DPP10: variants seen among roughly 807,000 people sequenced by gnomAD.
DPP10 encodes dipeptidyl peptidase like 10.
In DPP10, 33 loss-of-function variants were observed where a neutral mutation model predicts 120.9. That is an observed-to-expected ratio of 0.27 (90% CI 0.21 to 0.37). The LOEUF (loss-of-function observed/expected upper bound fraction) is 0.37, where lower values mean the gene tolerates loss of function less well. Ranked by LOEUF, DPP10 falls within the 10% of genes least tolerant of loss-of-function variation. DPP10 has a pLI of 1.00. For missense variants in DPP10, 816 were observed against 942.8 expected, an observed-to-expected ratio of 0.87 and a Z score of 1.76; for synonymous variants, 337 against 326.1, an observed-to-expected ratio of 1.03 and a Z score of -0.36.
At chr2:115,268,588 G>T (rs192396226) in intron 1 of DPP10, among the ~76,000 whole-genome samples, 1 of 152,312 alleles carries the variant, frequency 6.6e-6, no homozygotes, top group Non-Finnish European at 1.5e-5. Flanking sequence ...TGGAAAGAAA[G>T]ATCCTAATAC....
At chr2:115,762,375 A>G (rs532860363) in intron 11 of DPP10, among the ~76,000 whole-genome samples, 197 bp from the exon 12 acceptor site, 2 of 123,884 alleles carry the variant, frequency 1.6e-5, no homozygotes, top group Admixed American at 9.3e-5. Context: ...AAAAGACTTT[A>G]TAATTAAATT....
At chr2:115,381,076 T>C (rs985425496) in intron 3 of DPP10, among the ~76,000 whole-genome samples, 1 of 152,206 alleles carries the variant, frequency 6.6e-6, no homozygotes, top group Non-Finnish European at 1.5e-5. Context: ...ATTCTCTGTA[T>C]TTCCTGAATC....
intron 1 of DPP10, among the ~76,000 whole-genome samples, chr2:115,011,543 T>A (rs1307217856): frequency 1.3e-5 from 2 of 152,222 alleles, no homozygotes. Context: ...TTGTCTAATA[T>A]TAAGATAGCC....
intron 1 of DPP10, among the ~76,000 whole-genome samples, chr2:115,007,710 A>G (rs1701959092): frequency 1.3e-5 from 2 of 151,772 alleles, no homozygotes; most frequent in African/African-American, 2.4e-5. Flanking sequence ...CCTTAAGCTG[A>G]TAAGCAACTT....
Position 115,768,253 on chromosome 2 carries a change from G to C in DPP10, c.1114-44G>C, listed in dbSNP as rs780024588. The C allele has an allele frequency of 7.1e-6, 11 of 1,548,904 alleles. No homozygotes were observed. In the South Asian group the frequency reaches 9.0e-5, roughly 13 times the overall value. ...TTAACAGTAGTAGGCAGCACAGATT[G>C]CATGTGCCTTTCTGAGATTGTTCTG... is the stretch of plus-strand genomic sequence containing the variant. On this transcript the variant is annotated intron_variant, in intron 12 of 25. Transcript: ENST00000410059.
At chr2:114,465,141 G>A (rs994824049) in intron 1 of DPP10, among the ~76,000 whole-genome samples, 21 of 152,126 alleles carry the variant, frequency 1.4e-4, no homozygotes, top group African/African-American at 5.1e-4. Context: ...ACATTTCCTG[G>A]TTGTGTGAAC....
intron 1 of DPP10, among the ~76,000 whole-genome samples, chr2:115,171,035 G>A (rs115767705): frequency 8.5e-5 from 13 of 152,232 alleles, no homozygotes; most frequent in African/African-American, 2.9e-4. Flanking sequence ...GCCATCGTCT[G>A]TCTAAGAGTT....
At chr2:114,584,868 G>A (rs1229364320) in intron 1 of DPP10, among the ~76,000 whole-genome samples, 3 of 152,088 alleles carry the variant, frequency 2.0e-5, no homozygotes, top group African/African-American at 7.2e-5. Context: ...GCACCACCAT[G>A]AAGACTTGAA....
chr2:115,334,940 T>A (rs540232111), intron 2 of DPP10, among the ~76,000 whole-genome samples: 150 of 151,550 alleles, frequency 9.9e-4, no homozygotes, highest in African/African-American at 3.5e-3. Context: ...GTTCTACTAC[T>A]GTATTAGTTC....
chr2:114,827,927 T>C (rs1406946043), intron 1 of DPP10, among the ~76,000 whole-genome samples: 3 of 152,214 alleles, frequency 2.0e-5, no homozygotes, highest in Admixed American at 2.0e-4. Context: ...CACCATTTTC[T>C]TTTTTTACAA....
chr2:115,537,943 AGCT>A (rs1196630356), intron 5 of DPP10, among the ~76,000 whole-genome samples: 1 of 151,964 alleles, frequency 6.6e-6, no homozygotes, highest in Non-Finnish European at 1.5e-5. Context: ...TTCCATGTGT[AGCT>A]GTCCACAGGG....
At chr2:115,334,230 G>GTTTTTTTTTTTATTTTTTTTTTTTTTT (rs1553554647) in intron 2 of DPP10, among the ~76,000 whole-genome samples, 1 of 56,412 alleles carries the variant, frequency 1.8e-5, no homozygotes, top group Non-Finnish European at 4.0e-5. Flanking sequence ...AGCAGACTCT[G>GTTTTTTTTTTTATTTTTTTTTTTTTTT]TTTTTTTTTT....
intron 1 of DPP10, among the ~76,000 whole-genome samples, chr2:115,186,538 G>C (rs11675397): frequency 0.54 from 81,906 of 152,016 alleles, 23,531 homozygotes; most frequent in Non-Finnish European, 0.65. Context: ...TCTTCCTGGA[G>C]GAGGTGACCT....
chr2:114,820,515 T>C (rs1251821573), intron 1 of DPP10, among the ~76,000 whole-genome samples: 1 of 152,194 alleles, frequency 6.6e-6, no homozygotes, highest in Non-Finnish European at 1.5e-5. Flanking sequence ...AATGAAGACA[T>C]ACCTGAGACA....
rs111590042 is a variant in DPP10 at position 114,802,351 on chromosome 2, G to A, written c.60+359513G>A. 6.9e-3 allele frequency among the ~76,000 whole-genome samples: 1,046 copies of A among 152,148 alleles called. 13 individuals are homozygous for A. The highest frequency in any genetic ancestry group is 0.024 in the Middle Eastern group (7 of 294). ...ATTACATCCCCAAATAACTTTTTCT[G>A]CCCTGTCATCTGGTGTAACTAAATA... On this transcript the variant is annotated intron_variant, in intron 1 of 25. Coordinates refer to ENST00000410059, the MANE Select transcript of DPP10 (RefSeq NM_020868.6).
At chr2:115,569,088 A>G (rs1486935175) in intron 5 of DPP10, among the ~76,000 whole-genome samples, 2 of 152,234 alleles carry the variant, frequency 1.3e-5, no homozygotes, top group Non-Finnish European at 2.9e-5. Context: ...CAACAATTGC[A>G]TGCTATATGT....
intron 1 of DPP10, among the ~76,000 whole-genome samples, chr2:115,119,735 C>G (rs1392588946): frequency 3.3e-5 from 5 of 152,044 alleles, no homozygotes; most frequent in Non-Finnish European, 7.4e-5. Flanking sequence ...AAAAGGATGC[C>G]TCTTGAATAT....
chr2:114,470,241 A>G (rs570061768), intron 1 of DPP10, among the ~76,000 whole-genome samples: 1 of 152,302 alleles, frequency 6.6e-6, no homozygotes, highest in South Asian at 2.1e-4. Context: ...GGAAAATTTT[A>G]ACTTGCCTAC....
chr2:115,090,430 G>A (rs191671611), intron 1 of DPP10, among the ~76,000 whole-genome samples: 62 of 152,188 alleles, frequency 4.1e-4, no homozygotes, highest in African/African-American at 1.3e-3. Flanking sequence ...ATCCCCAAGT[G>A]GTGAGGGTTT....
Sources: gnomAD v4.1 joint callset for allele counts (sites outside exome capture counted in the v4.1 genomes callset) on GRCh38, gnomAD v4.1.1 for gene constraint, MANE v1.5 for transcripts, NCBI Gene and HGNC (gene_info 2026-07-23, HGNC 2026-07-21) for gene names.